DARS2: variants seen among roughly 807,000 people sequenced by gnomAD.
The protein encoded by DARS2 is aspartate--tRNA ligase, mitochondrial.
A neutral mutation model predicts 83.0 loss-of-function variants in DARS2; 63 were observed. The observed-to-expected ratio is 0.76, with a 90% CI of 0.62 to 0.94. The LOEUF is 0.94. DARS2 is among the 40% of genes least tolerant of loss of function. The pLI, the probability that DARS2 is intolerant of heterozygous loss-of-function variation, is 0.00. For missense variants in DARS2, 675 were observed against 774.4 expected, an observed-to-expected ratio of 0.87 and a Z score of 1.52; for synonymous variants, 250 against 269.3, an observed-to-expected ratio of 0.93 and a Z score of 0.70.
In DARS2 at chr1:173,824,980, C is replaced by T; in HGVS notation, c.-250C>T. 2.4e-6 allele frequency: 1 copy of T among 413,928 alleles called. No individual in the cohort carries two copies. The highest frequency in any genetic ancestry group is 4.5e-6 in the Non-Finnish European group (1 of 220,080). The allele number at this position is 413,928 out of a possible 1,614,324, so 25.6% of individuals were successfully genotyped here. ...CCGACTTGTTGAGTAGAAGTGCAGA[C>T]TGATGCTTTAAGACTCAGGGAGAGG... On this transcript the variant is annotated 5_prime_UTR_variant, in exon 1 of 17. Transcript: ENST00000649689.
chr1:173,847,957 G>A (rs774330325), intron 12 of DARS2, among the ~76,000 whole-genome samples: 7 of 146,918 alleles, frequency 4.8e-5, no homozygotes, highest in Non-Finnish European at 1.0e-4. Context: ...GGTTCACGCC[G>A]TTCTTCTGCC....
chr1:173,834,362 A>G, intron 6 of DARS2, 111 bp from the exon 7 acceptor site: 2 of 845,150 alleles, frequency 2.4e-6, no homozygotes, highest in African/African-American at 1.7e-5. Flanking sequence ...TATTTCAGCT[A>G]AAATTCTTAA....
intron 13 of DARS2, chr1:173,852,081 AG>A: frequency 2.0e-6 from 2 of 985,470 alleles, no homozygotes; most frequent in Non-Finnish European, 2.4e-6. Context: ...TCCTTGAAAG[AG>A]AGCTAGAAAC....
At chr1:173,854,663 A>G (rs1458644996) in intron 15 of DARS2, among the ~76,000 whole-genome samples, 1 of 152,216 alleles carries the variant, frequency 6.6e-6, no homozygotes, top group Admixed American at 6.5e-5. Context: ...ACCCTGCTTA[A>G]AAAAACCATG....
chr1:173,840,937 T>C lies in DARS2; in HGVS notation c.1092T>C (p.His364=). ...TTCAAGATGCACTTAGTAAGCCCCATGGAACTGTGAAAGCCATATGTATCC... is the reference window on the plus strand; with the variant it reads ...TTCAAGATGCACTTAGTAAGCCCCACGGAACTGTGAAAGCCATATGTATCC... ...GFLQDALSKP[H]GTVKAICIPE... Residue 364 remains histidine (H), a synonymous_variant, in exon 11 of 17, where the codon CAT becomes CAC. Coordinates refer to ENST00000649689, the MANE Select transcript of DARS2 (RefSeq NM_018122.5). The C allele has an allele frequency of 1.2e-6, 2 of 1,612,536 alleles. No homozygotes were observed. The highest frequency in any genetic ancestry group is 1.7e-5 in the Admixed American group (1 of 60,026).
intron 11 of DARS2, among the ~76,000 whole-genome samples, chr1:173,842,596 C>G (rs950712163): frequency 2.0e-5 from 3 of 150,342 alleles, no homozygotes; most frequent in African/African-American, 7.3e-5. Flanking sequence ...AGCCACCATG[C>G]CTGGCCCCTC....
In DARS2 at chr1:173,825,283, C is replaced by T. The variant is rs1424831804; in HGVS notation, c.54C>T (p.Ile18=). 6.2e-7 allele frequency: 1 copy of T among 1,613,728 alleles called. No individual in the cohort carries two copies. The highest frequency in any genetic ancestry group is 1.7e-5 in the Admixed American group (1 of 59,944). Residue 18 remains isoleucine (I), a synonymous_variant, in exon 1 of 17, where the codon ATC becomes ATT. Coordinates refer to ENST00000649689, the MANE Select transcript of DARS2 (RefSeq NM_018122.5). ...SQLYRGLSRP[I]RRTTQPIWGS... is the part of the protein sequence containing the mutation. ...TGTACAGGGGTTTATCCAGACCCAT[C>T]AGAAGGACCACCCAACCGATCTGGG...
At position 173,850,468 on chromosome 1, in the gene DARS2, C is replaced by A. The variant is rs1044443298; in HGVS notation, c.1333C>A (p.His445Asn). 4 of 1,613,668 alleles carry A rather than the reference C, an allele frequency of 2.5e-6. No individual in the cohort carries two copies. In the African/African-American group the frequency reaches 4.0e-5, roughly 16 times the overall value. Residue 445 changes from histidine to asparagine, a missense_variant, in exon 13 of 17, where the codon CAC becomes AAC. His to Asn is a moderately conservative substitution (Grantham distance 68, BLOSUM62 1). Coordinates refer to ENST00000649689, the MANE Select transcript of DARS2 (RefSeq NM_018122.5). ...TGTGGTCCTACTAACTGCTGGAGAG[C>A]ACAATAAAGCAGTAAGAAAAATTAC... ...EDVVLLTAGE[H>N]NKACSLLGKL...
chr1:173,850,079 A>T (rs566484424), intron 12 of DARS2, among the ~76,000 whole-genome samples: 6 of 150,792 alleles, frequency 4.0e-5, no homozygotes, highest in Admixed American at 6.6e-5. Flanking sequence ...CTGGTGTTGA[A>T]CTCCTGAGGT....
At chr1:173,827,661 GTGGATATT>G (rs1481817395) in intron 2 of DARS2, among the ~76,000 whole-genome samples, 3 of 152,112 alleles carry the variant, frequency 2.0e-5, no homozygotes, top group African/African-American at 7.2e-5. Flanking sequence ...TCCCAAGTAG[GTGGATATT>G]TTTCCCATAA....
In DARS2 at chr1:173,836,929, C is replaced by G; in HGVS notation, c.664-11C>G. The G allele has an allele frequency of 6.2e-7, 1 of 1,609,398 alleles. No homozygotes were observed. Among genetic ancestry groups the G allele is most frequent in the Non-Finnish European group, 8.5e-7 (1 of 1,175,828 alleles). ...TAATCTGTCTTCTCTCTCTTTCTCT[C>G]TCTTTGAAAGGGTGCCAAAGAGTTT... On this transcript the variant is annotated splice_polypyrimidine_tract_variant and intron_variant, in intron 7 of 16. Coordinates refer to ENST00000649689, the MANE Select transcript of DARS2 (RefSeq NM_018122.5).
chr1:173,837,041 A>T lies in DARS2; in HGVS notation c.765A>T (p.Leu255Phe), dbSNP rs760016649. 2.5e-6 allele frequency: 4 copies of T among 1,613,336 alleles called. No homozygotes were observed. In the African/African-American group the frequency reaches 4.0e-5, roughly 16 times the overall value. The change falls in exon 8 of 17, where the codon TTA (leucine) becomes TTT (phenylalanine). Residue 255 changes from leucine (L) to phenylalanine (F), a missense_variant. Leu to Phe is a conservative substitution (Grantham distance 22). Coordinates refer to ENST00000649689, the MANE Select transcript of DARS2 (RefSeq NM_018122.5). ...QFKQLLMVGG[L>F]DRYFQVARCY... ...AGCAACTTCTGATGGTTGGCGGTTTAGACAGGTGAGCTTTTTTTATGCTAG... is the reference window on the plus strand; with the variant it reads ...AGCAACTTCTGATGGTTGGCGGTTTTGACAGGTGAGCTTTTTTTATGCTAG...
intron 7 of DARS2, among the ~76,000 whole-genome samples, chr1:173,835,939 C>T (rs1283763379): frequency 2.0e-5 from 3 of 151,870 alleles, no homozygotes; most frequent in African/African-American, 7.3e-5. Flanking sequence ...CACCTGTAGT[C>T]CCAGCTACTC....
intron 11 of DARS2, 27 bp from the exon 12 acceptor site, chr1:173,845,202 A>G (rs1216252896): frequency 2.1e-6 from 3 of 1,406,808 alleles, no homozygotes; most frequent in Non-Finnish European, 3.0e-6. Context: ...CATACTGACA[A>G]GTTTACTTTG....
At chr1:173,854,777 T>TA (rs1241864237) in intron 15 of DARS2, among the ~76,000 whole-genome samples, 10 of 152,264 alleles carry the variant, frequency 6.6e-5, no homozygotes, top group Non-Finnish European at 1.2e-4. Context: ...GAAAAGATTT[T>TA]ATATCACTTA....
At chr1:173,844,830 G>C (rs1370728280) in intron 11 of DARS2, among the ~76,000 whole-genome samples, 2 of 66,664 alleles carry the variant, frequency 3.0e-5, no homozygotes, top group Non-Finnish European at 5.4e-5. Context: ...ATCTCACTTT[G>C]TTACCCAGGC....
At chr1:173,834,732 GTTTTTTTTTTTTTTTTT>G in intron 7 of DARS2, among the ~76,000 whole-genome samples, 10 of 21,696 alleles carry the variant, frequency 4.6e-4, no homozygotes, top group Non-Finnish European at 3.4e-4. Flanking sequence ...GAGTTTTTTT[GTTTTTTTTTTTTTTTTT>G]TTTTTTTTGG....
At chr1:173,833,340 A>C (rs1261716890) in intron 5 of DARS2, 36 bp from the exon 6 acceptor site, 5 of 1,505,696 alleles carry the variant, frequency 3.3e-6, no homozygotes, top group Non-Finnish European at 3.6e-6. Context: ...TAATATTGAA[A>C]AATATTTAAA....
At chr1:173,855,991 AT>A (rs1190603133) in intron 15 of DARS2, among the ~76,000 whole-genome samples, 1 of 152,016 alleles carries the variant, frequency 6.6e-6, no homozygotes, top group Non-Finnish European at 1.5e-5. Context: ...GCTTCCCTAA[AT>A]AGTGGTTCTC....
Sources: gnomAD v4.1 joint callset for allele counts (sites outside exome capture counted in the v4.1 genomes callset) on GRCh38, gnomAD v4.1.1 for gene constraint, MANE v1.5 for transcripts, NCBI Gene and HGNC (gene_info 2026-07-23, HGNC 2026-07-21) for gene names.